Variants in RHBG observed in about 807,000 individuals in gnomAD.
RHBG encodes the protein ammonium transporter Rh type B.
A neutral mutation model predicts 40.1 loss-of-function variants in RHBG; 39 were observed. The observed-to-expected ratio is 0.97, with a 90% CI of 0.75 to 1.27. RHBG has a LOEUF of 1.27. RHBG is among the 50% of genes most tolerant of loss of function. RHBG has a pLI of 0.00. For missense variants in RHBG, 549 were observed against 588.1 expected, an observed-to-expected ratio of 0.93 and a Z score of 0.69; for synonymous variants, 237 against 252.5, an observed-to-expected ratio of 0.94 and a Z score of 0.58.
chr1:156,377,368 C>T lies in RHBG; in HGVS notation c.255C>T (p.Tyr85=), dbSNP rs368501445. The change falls in exon 2 of 10, where the codon TAC becomes TAT. Residue 85 remains tyrosine, a synonymous_variant. Transcript: ENST00000537040. This position sits in a 1 kb window ranked among gnomAD's most constrained non-coding sequence, Gnocchi z 4.6. Reference sequence around the variant, plus strand: ...TCCTCATGGTCTTCCTGCAGCGTTACGGCTTCAGCAGCGTGGGCTTCACCT... The same window carrying T: ...TCCTCATGGTCTTCCTGCAGCGTTATGGCTTCAGCAGCGTGGGCTTCACCT... ...FGFLMVFLQR[Y]GFSSVGFTFL... 9.1e-5 allele frequency: 147 copies of T among 1,614,034 alleles called. No individual in the cohort carries two copies. The highest frequency in any genetic ancestry group is 1.1e-4 in the Non-Finnish European group (130 of 1,179,964).
At chr1:156,383,063 G>C (rs1667777167) in intron 8 of RHBG, among the ~76,000 whole-genome samples, 194 bp downstream of exon 8, 1 of 152,220 alleles carries the variant, frequency 6.6e-6, no homozygotes, top group African/African-American at 2.4e-5. Flanking sequence ...TGGTGCCGAG[G>C]GCAGCTGGGG....
rs762227069 is a variant in RHBG at position 156,377,942 on chromosome 1, C to T, written c.375-48C>T. On this transcript the variant is annotated intron_variant, in intron 2 of 9. Coordinates refer to ENST00000537040, the MANE Select transcript of RHBG (RefSeq NM_020407.5). The surrounding 1 kb of genome is among the most constrained non-coding windows in gnomAD (Gnocchi z 4.6). ...TTCATGCCAGGCAGGAACCCCGAGG[C>T]CAGCCTCTCTGACCCCTCTTGTGCT... is the stretch of plus-strand genomic sequence containing the variant. The T allele has an allele frequency of 3.3e-6, 5 of 1,504,086 alleles. No homozygotes were observed. Among genetic ancestry groups the T allele is most frequent in the Non-Finnish European group, 4.4e-6 (5 of 1,124,156 alleles). 93.2% of individuals were successfully genotyped at this position (1,504,086 alleles called of 1,614,324 possible).
chr1:156,374,551 C>T, intron 1 of RHBG: 1 of 438,658 alleles, frequency 2.3e-6, no homozygotes, highest in Non-Finnish European at 4.5e-6. Context: ...TAATGTCCTC[C>T]AGTTCCATCC....
At position 156,384,561 on chromosome 1, in the gene RHBG, C is replaced by CT. The variant is rs1215579259; in HGVS notation, c.1269_1270insT (p.Pro424SerfsTer19). The CT allele has an allele frequency of 5.0e-6, 8 of 1,600,296 alleles. No individual in the cohort carries two copies. The highest frequency in any genetic ancestry group is 2.2e-5 in the South Asian group (2 of 89,282). ...TGAAGCTACCCTTTCTGGACTCCCCCCCAGACTCCCAGCACTACGAGGACC... is the reference window on the plus strand; with the variant it reads ...TGAAGCTACCCTTTCTGGACTCCCCCTCCAGACTCCCAGCACTACGAGGACC... On this transcript the variant is annotated frameshift_variant, in exon 9 of 10. Transcript: ENST00000537040. LOFTEE classifies it high-confidence loss of function.
rs144940261 is a variant in RHBG at position 156,372,032 on chromosome 1, C to G, written c.187+2596C>G. Among the ~76,000 whole-genome samples the G allele has an allele frequency of 2.6e-3, 391 of 152,304 alleles. 2 individuals carry two copies. The highest frequency in any genetic ancestry group is 6.8e-3 in the Middle Eastern group (2 of 294). ...GCCTGGGGCTTTGATGAGCCGGGTC[C>G]TCACCTGTCCTTGTGCCCAAGGGAA... On this transcript the variant is annotated intron_variant, in intron 1 of 9. Coordinates refer to ENST00000537040, the MANE Select transcript of RHBG (RefSeq NM_020407.5).
chr1:156,382,085 A>G lies in RHBG; in HGVS notation c.996A>G (p.Lys332=), dbSNP rs771381720. The G allele has an allele frequency of 6.2e-7, 1 of 1,610,078 alleles. No individual in the cohort carries two copies. The highest frequency in any genetic ancestry group is 2.2e-5 in the East Asian group (1 of 44,762). The change falls in exon 7 of 10, where the codon AAA becomes AAG. Residue 332 remains lysine, a synonymous_variant. Transcript: ENST00000537040. ...CCCTCCAGCCCATCCTTGAATCAAA[A>G]TTCAAAGTCCAAGACACATGTGGAG... ...YKFFTPILES[K]FKVQDTCGVH...
intron 5 of RHBG, 133 bp from the exon 6 acceptor site, chr1:156,381,673 T>C: frequency 7.2e-7 from 1 of 1,392,316 alleles, no homozygotes. Flanking sequence ...GGAGGCGATA[T>C]GGTAGCAGGA....
At position 156,382,796 on chromosome 1, in the gene RHBG, G is replaced by A. The variant is rs375029436; in HGVS notation, c.1161G>A (p.Thr387=). Residue 387 remains threonine, a synonymous_variant, in exon 8 of 10, where the codon ACG becomes ACA. Transcript: ENST00000537040. ...PLIAEGQRSA[T]SQAMHQLFGL... is the part of the protein sequence containing the mutation. ...TAGCCGAGGGCCAGCGCAGTGCCAC[G>A]TCACAGGCCATGCACCAGCTCTTCG... 40 of 1,614,068 alleles carry A rather than the reference G, an allele frequency of 2.5e-5. No individual in the cohort carries two copies. The highest frequency in any genetic ancestry group is 1.6e-4 in the Middle Eastern group (1 of 6,080).
intron 4 of RHBG, among the ~76,000 whole-genome samples, chr1:156,379,729 T>C (rs1485076183): frequency 1.3e-5 from 2 of 152,120 alleles, no homozygotes; most frequent in African/African-American, 2.4e-5. Context: ...TTACTCCAGA[T>C]TGCCGGGCTG....
In RHBG at chr1:156,377,887, AC is replaced by A; in HGVS notation, c.375-99del. On this transcript the variant is annotated intron_variant, in intron 2 of 9. Transcript: ENST00000537040. This position sits in a 1 kb window ranked among gnomAD's most constrained non-coding sequence, Gnocchi z 4.6. ...GTCTTCTCTCCAGAACTCCAACCCC[AC>A]CCCACCCACCACATCATGCTGTCCT... 1.1e-6 allele frequency: 1 copy of A among 882,938 alleles called. No individual in the cohort carries two copies. The highest frequency in any genetic ancestry group is 1.9e-5 in the South Asian group (1 of 52,038). 54.7% of individuals were successfully genotyped at this position (882,938 alleles called of 1,614,324 possible).
At position 156,384,274 on chromosome 1, in the gene RHBG, C is replaced by G. The variant is rs1667883534; in HGVS notation, c.1235-253C>G. 33 of 578,272 alleles carry G rather than the reference C, an allele frequency of 5.7e-5. 1 individual carries two copies. The South Asian group carries it at 6.4e-4, about 11-fold the overall frequency. 35.8% of individuals were successfully genotyped at this position (578,272 alleles called of 1,614,324 possible). On this transcript the variant is annotated intron_variant, in intron 8 of 9. Coordinates refer to ENST00000537040, the MANE Select transcript of RHBG (RefSeq NM_020407.5). ...TATTTAACTTCTCTGAGTCTTGTTT[C>G]TTTGTTTGTAATACAGGAATAATAT...
intron 1 of RHBG, among the ~76,000 whole-genome samples, chr1:156,370,917 G>C (rs1231775901): frequency 6.9e-6 from 1 of 144,140 alleles, no homozygotes; most frequent in Non-Finnish European, 1.5e-5. Context: ...CATGGGAATA[G>C]AGCCTCACCT....
intron 1 of RHBG, among the ~76,000 whole-genome samples, chr1:156,373,633 T>A (rs763108341): frequency 6.6e-6 from 1 of 152,184 alleles, no homozygotes; most frequent in African/African-American, 2.4e-5. Flanking sequence ...TTTCTTGATG[T>A]TTAGACTCCA....
intron 1 of RHBG, among the ~76,000 whole-genome samples, chr1:156,370,498 G>C (rs1445586419): frequency 1.5e-4 from 22 of 150,156 alleles, no homozygotes; most frequent in Admixed American, 1.4e-3. Context: ...TGTAATCGCT[G>C]CTACTTGGGA....
intron 1 of RHBG, among the ~76,000 whole-genome samples, chr1:156,370,963 C>T (rs1354729364): frequency 1.3e-5 from 2 of 151,228 alleles, no homozygotes; most frequent in Non-Finnish European, 2.9e-5. Context: ...AATTCAGGCC[C>T]TAGGCAGCTG....
Position 156,382,141 on chromosome 1 carries a change from T to G in RHBG, c.1052T>G (p.Leu351Arg). ...VHNLHGMPGV[L>R]GALLGVLVAG... ...AACCTCCATGGGATGCCGGGGGTCC[T>G]GGGGGCCCTCCTGGGGGTCCTTGTG... Residue 351 changes from leucine to arginine, a missense_variant, in exon 7 of 10, where the codon CTG becomes CGG. This residue lies in a region of RHBG where 399 missense variants were observed against 417.0 expected (regional missense o/e 0.96). Coordinates refer to ENST00000537040, the MANE Select transcript of RHBG (RefSeq NM_020407.5). The G allele has an allele frequency of 6.2e-7, 1 of 1,614,076 alleles. No homozygotes were observed. Among genetic ancestry groups the G allele is most frequent in the Non-Finnish European group, 8.5e-7 (1 of 1,179,984 alleles).
chr1:156,384,978 A>G lies in RHBG; in HGVS notation c.*133A>G, dbSNP rs1667947037. The stretch of plus-strand genomic sequence containing the variant: ...ATGAGCCAGAAGGAGGCCCCTTTCC[A>G]CAGGCAGCGTCTCCACAGGGAGAGG... On this transcript the variant is annotated 3_prime_UTR_variant, in exon 10 of 10. Coordinates refer to ENST00000537040, the MANE Select transcript of RHBG (RefSeq NM_020407.5). The G allele has an allele frequency of 1.6e-6, 1 of 611,934 alleles. No homozygotes were observed. The highest frequency in any genetic ancestry group is 2.7e-5 in the Admixed American group (1 of 36,586). The allele number at this position is 611,934 out of a possible 1,614,324, so 37.9% of individuals were successfully genotyped here.
Position 156,377,357 on chromosome 1 carries a change from C to A in RHBG, c.244C>A (p.Leu82Met), listed in dbSNP as rs1667282299. 6.2e-7 allele frequency: 1 copy of A among 1,614,066 alleles called. No individual in the cohort carries two copies. The highest frequency in any genetic ancestry group is 8.5e-7 in the Non-Finnish European group (1 of 1,179,982). ...FVGFGFLMVFLQRYGFSSVGF... is the reference protein window; with the variant it reads ...FVGFGFLMVFMQRYGFSSVGF... ...GGGCTTTGGCTTCCTCATGGTCTTCCTGCAGCGTTACGGCTTCAGCAGCGT... is the reference window on the plus strand; with the variant it reads ...GGGCTTTGGCTTCCTCATGGTCTTCATGCAGCGTTACGGCTTCAGCAGCGT... The change falls in exon 2 of 10, where the codon CTG (leucine) becomes ATG (methionine). Residue 82 changes from leucine to methionine, a missense_variant. Physicochemically the swap from Leu to Met is conservative, Grantham distance 15. Transcript: ENST00000537040. The surrounding 1 kb of genome is among the most constrained non-coding windows in gnomAD (Gnocchi z 4.6).
In RHBG at chr1:156,377,898, C is replaced by CCCCA; in HGVS notation, c.375-92_375-91insCCCA. 1 of 1,308,008 alleles carries CCCCA rather than the reference C, an allele frequency of 7.6e-7. No individual in the cohort carries two copies. Among genetic ancestry groups the CCCCA allele is most frequent in the Non-Finnish European group, 1.0e-6 (1 of 958,504 alleles). 81.0% of individuals were successfully genotyped at this position (1,308,008 alleles called of 1,614,324 possible). A position where few individuals can be genotyped will look rare whatever the true frequency, so the allele number is the denominator to read the frequency against. On this transcript the variant is annotated intron_variant, in intron 2 of 9. Transcript: ENST00000537040. The surrounding 1 kb of genome is among the most constrained non-coding windows in gnomAD (Gnocchi z 4.6). Reference sequence around the variant, plus strand: ...AGAACTCCAACCCCACCCCACCCACCACATCATGCTGTCCTGGCTTCATGC... The same window carrying CCCCA: ...AGAACTCCAACCCCACCCCACCCACCCCCAACATCATGCTGTCCTGGCTTCATGC...
Sources: gnomAD v4.1 joint callset for allele counts (sites outside exome capture counted in the v4.1 genomes callset) on GRCh38, gnomAD v4.1.1 for gene constraint, gnomAD v4.1.1 regional missense constraint, Gnocchi (gnomAD v3.1) non-coding constraint, MANE v1.5 for transcripts, NCBI Gene and HGNC (gene_info 2026-07-23, HGNC 2026-07-21) for gene names.